The following CRISPLD2 variants were observed in gnomAD, a reference collection of about 807,000 sequenced individuals.
CRISPLD2 encodes cysteine rich secretory protein LCCL domain containing 2, also known as cysteine-rich secretory protein LCCL domain-containing 2.
Under a neutral mutation model 71.1 loss-of-function variants are expected in CRISPLD2, and 47 were observed. That is an observed-to-expected ratio of 0.66 (90% CI 0.52 to 0.84). CRISPLD2 has a LOEUF of 0.84. Among genes scored for constraint, CRISPLD2 ranks in the 40% least tolerant of loss-of-function variants. The pLI is 0.00. For synonymous variants in CRISPLD2, 317 were observed against 250.1 expected (o/e 1.27, Z -2.52); for missense variants, 830 against 651.1 (o/e 1.27, Z -2.99).
intron 2 of CRISPLD2, among the ~76,000 whole-genome samples, chr16:84,844,178 G>A (rs1223131612): frequency 2.6e-5 from 4 of 152,218 alleles, no homozygotes; most frequent in Admixed American, 1.3e-4. Context: ...CGCTTGCTCT[G>A]TTCATGGAAT....
intron 14 of CRISPLD2, among the ~76,000 whole-genome samples, chr16:84,900,039 T>C (rs74031025): frequency 0.011 from 1,709 of 152,184 alleles, 32 homozygotes; most frequent in African/African-American, 0.039. Context: ...ATCTGAACTT[T>C]CCAGAAACCA....
chr16:84,878,093 G>A (rs377056735), intron 12 of CRISPLD2, among the ~76,000 whole-genome samples: 3 of 151,766 alleles, frequency 2.0e-5, no homozygotes, highest in Non-Finnish European at 2.9e-5. Flanking sequence ...GCGTGGTGGC[G>A]GGCGCCTGTA....
At chr16:84,869,602 C>T (rs556755026) in intron 8 of CRISPLD2, among the ~76,000 whole-genome samples, 16 of 152,298 alleles carry the variant, frequency 1.1e-4, no homozygotes, top group East Asian at 3.9e-4. Context: ...GTGGTACTGT[C>T]GTTTGTTGGT....
intron 8 of CRISPLD2, among the ~76,000 whole-genome samples, chr16:84,869,322 C>T (rs1268446654): frequency 6.6e-6 from 1 of 152,230 alleles, no homozygotes; most frequent in Non-Finnish European, 1.5e-5. Flanking sequence ...GGTGCAGCCG[C>T]CGCACGCACA....
At chr16:84,903,536 G>A (rs1276888973) in intron 14 of CRISPLD2, among the ~76,000 whole-genome samples, 1 of 149,472 alleles carries the variant, frequency 6.7e-6, no homozygotes, top group Non-Finnish European at 1.5e-5. Flanking sequence ...CGGTTGCAAT[G>A]AGCCGAGATC....
At chr16:84,858,905 C>A (rs191694816) in intron 6 of CRISPLD2, among the ~76,000 whole-genome samples, 101 of 152,258 alleles carry the variant, frequency 6.6e-4, no homozygotes, top group African/African-American at 2.2e-3. Flanking sequence ...TTGGAGTCAC[C>A]ACTTGGTTAA....
intron 6 of CRISPLD2, among the ~76,000 whole-genome samples, chr16:84,863,969 A>G (rs936316723): frequency 2.7e-5 from 4 of 150,026 alleles, no homozygotes; most frequent in Non-Finnish European, 4.4e-5. Context: ...AAAAAAAAAA[A>G]AAAAAAGAAA....
intron 1 of CRISPLD2, among the ~76,000 whole-genome samples, chr16:84,831,220 G>A (rs1916480656): frequency 6.6e-5 from 10 of 152,160 alleles, no homozygotes; most frequent in Admixed American, 6.6e-4. Context: ...ACCTCGGTGT[G>A]AATCACCAAA....
At chr16:84,825,310 C>A (rs1046219868) in intron 1 of CRISPLD2, among the ~76,000 whole-genome samples, 4 of 152,160 alleles carry the variant, frequency 2.6e-5, no homozygotes, top group African/African-American at 9.7e-5. Flanking sequence ...TGCCTGTAAC[C>A]TTAACACTTT....
intron 14 of CRISPLD2, among the ~76,000 whole-genome samples, chr16:84,906,316 G>T (rs569032558): frequency 6.6e-6 from 1 of 151,972 alleles, no homozygotes; most frequent in African/African-American, 2.4e-5. Flanking sequence ...AGACAGACTG[G>T]GTCCAGCAGA....
At chr16:84,893,604 C>G (rs960299921) in intron 14 of CRISPLD2, among the ~76,000 whole-genome samples, 1 of 152,182 alleles carries the variant, frequency 6.6e-6, no homozygotes, top group Admixed American at 6.5e-5. Flanking sequence ...GCAGAAATGA[C>G]AATGCCAGCA....
chr16:84,825,642 G>A (rs960798220), intron 1 of CRISPLD2, among the ~76,000 whole-genome samples: 3 of 152,080 alleles, frequency 2.0e-5, no homozygotes, highest in African/African-American at 4.8e-5. Context: ...TGTAATCCCA[G>A]CTACTTGGGA....
chr16:84,824,534 G>A (rs1337358933), intron 1 of CRISPLD2, among the ~76,000 whole-genome samples: 1 of 152,068 alleles, frequency 6.6e-6, no homozygotes, highest in Admixed American at 6.5e-5. Flanking sequence ...TCTGCTTATG[G>A]CAAGGTGAAA....
rs116195713 is a variant in CRISPLD2, at chr16:84,897,937, G to A, written c.1439+8574G>A. Reference sequence around the variant, plus strand: ...CGGCTTAAACACGCTTTTTAAAAAGGGATTATGCTATTAGTATTGTTTTGT... The same window carrying A: ...CGGCTTAAACACGCTTTTTAAAAAGAGATTATGCTATTAGTATTGTTTTGT... On this transcript the variant is annotated intron_variant, in intron 14 of 14. Coordinates refer to ENST00000262424, the MANE Select transcript of CRISPLD2 (RefSeq NM_031476.4). Among the ~76,000 whole-genome samples the A allele has an allele frequency of 3.1e-3, 468 of 152,262 alleles. 1 individual carries two copies. Among genetic ancestry groups the A allele is most frequent in the African/African-American group, 0.011 (455 of 41,554 alleles).
intron 5 of CRISPLD2, among the ~76,000 whole-genome samples, chr16:84,852,714 G>C (rs1285436802): frequency 6.6e-6 from 1 of 152,100 alleles, no homozygotes; most frequent in Non-Finnish European, 1.5e-5. Flanking sequence ...CAAGGGGTGG[G>C]GTGGGTGTGT....
chr16:84,866,912 C>G lies in CRISPLD2; in HGVS notation c.725C>G (p.Pro242Arg), dbSNP rs537394347. ...NLCYREETYT[P>R]KPETDEMNEV... Reference sequence around the variant, plus strand: ...CAATGTTAAGAAGAAACCTACACTCCAAAACCTGAAACGGACGAGATGAAT... The same window carrying G: ...CAATGTTAAGAAGAAACCTACACTCGAAAACCTGAAACGGACGAGATGAAT... Residue 242 changes from proline (P) to arginine (R), a missense_variant, in exon 7 of 15, where the codon CCA (proline) becomes CGA (arginine). Pro to Arg is a moderately radical substitution (Grantham distance 103, BLOSUM62 -2). Coordinates refer to ENST00000262424, the MANE Select transcript of CRISPLD2 (RefSeq NM_031476.4). 6 of 1,614,044 alleles carry G rather than the reference C, an allele frequency of 3.7e-6. No homozygotes were observed. Among genetic ancestry groups the G allele is most frequent in the South Asian group, 1.1e-5 (1 of 91,076 alleles).
chr16:84,876,855 A>T (rs73251533), intron 11 of CRISPLD2, among the ~76,000 whole-genome samples: 8,151 of 152,338 alleles, frequency 0.054, 733 homozygotes, highest in African/African-American at 0.19. Context: ...ATGCTGTCAG[A>T]GATCACAGGT....
chr16:84,904,536 A>T (rs1279856086), intron 14 of CRISPLD2, among the ~76,000 whole-genome samples: 1 of 151,904 alleles, frequency 6.6e-6, no homozygotes, highest in African/African-American at 2.4e-5. Context: ...GTGAGCCAAG[A>T]TTGCACCACT....
chr16:84,849,709 G>T (rs543266165), intron 4 of CRISPLD2, among the ~76,000 whole-genome samples, 192 bp downstream of exon 4: 2 of 120,940 alleles, frequency 1.7e-5, no homozygotes, highest in East Asian at 5.3e-4. Flanking sequence ...AACTGAGTGA[G>T]CACTACAAAC....
Sources: gnomAD v4.1 joint callset for allele counts (sites outside exome capture counted in the v4.1 genomes callset) on GRCh38, gnomAD v4.1.1 for gene constraint, MANE v1.5 for transcripts, NCBI Gene and HGNC (gene_info 2026-07-23, HGNC 2026-07-21) for gene names.